Variants in GALNT15 observed in about 807,000 individuals in gnomAD.
GALNT15 encodes the protein polypeptide N-acetylgalactosaminyltransferase 15.
Under a neutral mutation model 66.8 loss-of-function variants are expected in GALNT15, and 67 were observed. The observed-to-expected ratio is 1.00, with a 90% CI of 0.82 to 1.23. GALNT15 has a LOEUF of 1.23. GALNT15 is among the 50% of genes most tolerant of loss of function. The pLI is 0.00. For missense variants in GALNT15, 827 were observed against 804.3 expected (o/e 1.03, Z -0.34); for synonymous variants, 313 against 311.5 (o/e 1.00, Z -0.05).
rs17272362 is a variant in GALNT15, at chr3:16,195,501, G to C, written c.540-259G>C. Among the ~76,000 whole-genome samples, 2 of 152,128 alleles carry C rather than the reference G, an allele frequency of 1.3e-5. No homozygotes were observed. Among genetic ancestry groups the C allele is most frequent in the Non-Finnish European group, 2.9e-5 (2 of 68,032 alleles). ...AGGACAGTCATTTGCTGAGGATGAC[G>C]GCAACGCTTCTCAATTGCAATGAGA... On this transcript the variant is annotated intron_variant, in intron 1 of 9. Transcript: ENST00000339732. This position sits in a 1 kb window ranked among gnomAD's most constrained non-coding sequence, Gnocchi z 4.6.
At chr3:16,178,565 T>G (rs2063436746) in intron 1 of GALNT15, among the ~76,000 whole-genome samples, 1 of 152,170 alleles carries the variant, frequency 6.6e-6, no homozygotes, top group Non-Finnish European at 1.5e-5. Context: ...AGGCCTTGGC[T>G]GCAGACTCCC....
intron 1 of GALNT15, among the ~76,000 whole-genome samples, chr3:16,179,185 G>A (rs558162120): frequency 6.6e-6 from 1 of 152,396 alleles, no homozygotes. Context: ...CTATGTGCTA[G>A]AGGCTCTGCT....
At chr3:16,194,338 TA>T (rs1299803210) in intron 1 of GALNT15, among the ~76,000 whole-genome samples, 2 of 152,274 alleles carry the variant, frequency 1.3e-5, no homozygotes, top group African/African-American at 4.8e-5. Context: ...TCTTCTCTTT[TA>T]GAAGTGTCTG....
intron 8 of GALNT15, among the ~76,000 whole-genome samples, chr3:16,222,261 G>C (rs1378139214): frequency 6.6e-6 from 1 of 152,178 alleles, no homozygotes; most frequent in Non-Finnish European, 1.5e-5. Context: ...TCTCCAGAAA[G>C]ACATCAACCT....
Position 16,183,338 on chromosome 3 carries a change from G to C in GALNT15, c.539+7648G>C, listed in dbSNP as rs1234573604. 6.6e-6 allele frequency: 1 copy of C among 152,226 alleles called. No individual in the cohort carries two copies. Among genetic ancestry groups the C allele is most frequent in the Non-Finnish European group, 1.5e-5 (1 of 68,052 alleles). The allele number at this position is 152,226 out of a possible 1,614,324, so 9.4% of individuals were successfully genotyped here. On this transcript the variant is annotated intron_variant, in intron 1 of 9. Coordinates refer to ENST00000339732, the MANE Select transcript of GALNT15 (RefSeq NM_054110.5). This position sits in a 1 kb window ranked among gnomAD's most constrained non-coding sequence, Gnocchi z 5.2. Reference sequence around the variant, plus strand: ...TCTTCTAAGGCCTCAGCTCCAGGCTGTGTCCCAGCCCTAGCAGCCTCAGGC... The same window carrying C: ...TCTTCTAAGGCCTCAGCTCCAGGCTCTGTCCCAGCCCTAGCAGCCTCAGGC...
At position 16,195,387 on chromosome 3, in the gene GALNT15, T is replaced by TA. The variant is rs1038096096; in HGVS notation, c.540-368dup. 2.0e-5 allele frequency among the ~76,000 whole-genome samples: 3 copies of TA among 152,214 alleles called. No homozygotes were observed. Among genetic ancestry groups the TA allele is most frequent in the Non-Finnish European group, 4.4e-5 (3 of 68,038 alleles). ...GGGGTGGGCCCTGCAGTCAGTATTT[T>TA]AAAAATCCCACCAGGTGATTCTGAT... On this transcript the variant is annotated intron_variant, in intron 1 of 9. Coordinates refer to ENST00000339732, the MANE Select transcript of GALNT15 (RefSeq NM_054110.5). The surrounding 1 kb of genome is among the most constrained non-coding windows in gnomAD (Gnocchi z 4.6).
At chr3:16,214,099 T>C (rs1240691992) in intron 6 of GALNT15, among the ~76,000 whole-genome samples, 1 of 152,244 alleles carries the variant, frequency 6.6e-6, no homozygotes, top group Admixed American at 6.5e-5. Flanking sequence ...AGAGTGGCAC[T>C]GGCTCCTTTC....
the GALNT15 span, among the ~76,000 whole-genome samples, chr3:16,237,773 T>G: frequency 6.6e-6 from 1 of 152,180 alleles, no homozygotes; most frequent in Non-Finnish European, 1.5e-5. The surrounding 1 kb of genome is among the most constrained non-coding windows in gnomAD (Gnocchi z 4.2). Context: ...GGCACCTGGG[T>G]CTAGGTAGTG....
At position 16,203,582 on chromosome 3, in the gene GALNT15, C is replaced by T. The variant is rs2063726940; in HGVS notation, c.911+2759C>T. 2.2e-5 allele frequency among the ~76,000 whole-genome samples: 3 copies of T among 135,104 alleles called. No homozygotes were observed. The highest frequency in any genetic ancestry group is 4.9e-5 in the Non-Finnish European group (3 of 60,774). 88.6% of individuals were successfully genotyped at this position (135,104 alleles called of 152,430 possible). On this transcript the variant is annotated intron_variant, in intron 3 of 9. Transcript: ENST00000339732. This position sits in a 1 kb window ranked among gnomAD's most constrained non-coding sequence, Gnocchi z 6.2. Reference sequence around the variant, plus strand: ...ACACACACACACACACACACACACACACACACAGTGGGCCTCTGATCCTGG... The same window carrying T: ...ACACACACACACACACACACACACATACACACAGTGGGCCTCTGATCCTGG...
chr3:16,182,599 A>C lies in GALNT15; in HGVS notation c.539+6909A>C, dbSNP rs2063481547. On this transcript the variant is annotated intron_variant, in intron 1 of 9. Coordinates refer to ENST00000339732, the MANE Select transcript of GALNT15 (RefSeq NM_054110.5). The surrounding 1 kb of genome is among the most constrained non-coding windows in gnomAD (Gnocchi z 6.1). ...CCTTTGGGGACTTGGCCTTCCTGAC[A>C]TCCTGCAGCAGTAGGGGCCCTAGAA... 1 of 152,264 alleles carries C rather than the reference A, an allele frequency of 6.6e-6. No homozygotes were observed. The highest frequency in any genetic ancestry group is 2.1e-4 in the South Asian group (1 of 4,832). The allele number at this position is 152,264 out of a possible 1,614,324, so 9.4% of individuals were successfully genotyped here. A position where few individuals can be genotyped will look rare whatever the true frequency, so the allele number is the denominator to read the frequency against.
downstream of GALNT15, among the ~76,000 whole-genome samples, chr3:16,233,113 T>TTTTTTTTTTTTTTTTTTTTTTTTTTGGG (rs71064272): frequency 7.2e-6 from 1 of 139,260 alleles, no homozygotes; most frequent in African/African-American, 2.7e-5. Context: ...TTTTTTTTTT[T>TTTTTTTTTTTTTTTTTTTTTTTTTTGGG]GAAACGGAGT....
At chr3:16,242,824 T>C in the GALNT15 span, among the ~76,000 whole-genome samples, 70 of 151,794 alleles carry the variant, frequency 4.6e-4, no homozygotes, top group African/African-American at 1.6e-3. This position sits in a 1 kb window ranked among gnomAD's most constrained non-coding sequence, Gnocchi z 5.6. Context: ...AAGGAGGTGG[T>C]GGTAGGGATT....
At position 16,208,353 on chromosome 3, in the gene GALNT15, T is replaced by G. The variant is rs900727732; in HGVS notation, c.912-150T>G. The stretch of plus-strand genomic sequence containing the variant: ...TAAGTATTCTTAATCCAGGGTGTAT[T>G]TTACACTTACTCCACACCTGATTTG... On this transcript the variant is annotated intron_variant, in intron 3 of 9. Transcript: ENST00000339732. 7 of 609,942 alleles carry G rather than the reference T, an allele frequency of 1.1e-5. No individual in the cohort carries two copies. In the East Asian group the frequency reaches 1.6e-4, roughly 14 times the overall value. The allele number at this position is 609,942 out of a possible 1,614,324, so 37.8% of individuals were successfully genotyped here. A position where few individuals can be genotyped will look rare whatever the true frequency, so the allele number is the denominator to read the frequency against.
At position 16,222,695 on chromosome 3, in the gene GALNT15, G is replaced by A; in HGVS notation, c.1710G>A (p.Val570=). The change falls in exon 9 of 10, where the codon GTG becomes GTA. Residue 570 remains valine, a synonymous_variant. Coordinates refer to ENST00000339732, the MANE Select transcript of GALNT15 (RefSeq NM_054110.5). ...HLCFAVRQEQ[V]ILQNCTEEGL... ...GCTTTGCTGTCAGGCAGGAGCAGGTGATTCTTCAGAACTGCACGGAGGAAG... is the reference window on the plus strand; with the variant it reads ...GCTTTGCTGTCAGGCAGGAGCAGGTAATTCTTCAGAACTGCACGGAGGAAG... 6.2e-7 allele frequency: 1 copy of A among 1,614,258 alleles called. No homozygotes were observed.
rs145700422 is a variant in GALNT15 at position 16,184,934 on chromosome 3, G to T, written c.539+9244G>T. On this transcript the variant is annotated intron_variant, in intron 1 of 9. Transcript: ENST00000339732. This position sits in a 1 kb window ranked among gnomAD's most constrained non-coding sequence, Gnocchi z 5.0. ...GCACAGCTCACTGGGGTGGGGTAGG[G>T]GTTAATTTTCCAGCTCTTCAGGGAT... is the stretch of plus-strand genomic sequence containing the variant. Among the ~76,000 whole-genome samples, 380 of 152,284 alleles carry T rather than the reference G, an allele frequency of 2.5e-3. No individual in the cohort carries two copies. The highest frequency in any genetic ancestry group is 8.7e-3 in the African/African-American group (361 of 41,562).
At position 16,219,765 on chromosome 3, in the gene GALNT15, T is replaced by G; in HGVS notation, c.1525-145T>G. 3 of 883,590 alleles carry G rather than the reference T, an allele frequency of 3.4e-6. No homozygotes were observed. Among genetic ancestry groups the G allele is most frequent in the Non-Finnish European group, 5.5e-6 (3 of 541,140 alleles). 54.7% of individuals were successfully genotyped at this position (883,590 alleles called of 1,614,324 possible). A position where few individuals can be genotyped will look rare whatever the true frequency, so the allele number is the denominator to read the frequency against. On this transcript the variant is annotated intron_variant, in intron 7 of 9. Transcript: ENST00000339732. This position sits in a 1 kb window ranked among gnomAD's most constrained non-coding sequence, Gnocchi z 4.3. ...AGGCCTGTCCCTTAGGGTCAGTGGC[T>G]TCAGCTTTACCACACCTGTTGTTGT...
At position 16,174,853 on chromosome 3, in the gene GALNT15, G is replaced by A. The variant is rs1050265019; in HGVS notation, c.-299G>A. ...TTATTTTTTTCCCAAGGAGAAAACC[G>A]GGGTAAAGGGAGGGAAGCAATTCAA... On this transcript the variant is annotated 5_prime_UTR_variant, in exon 1 of 10. Coordinates refer to ENST00000339732, the MANE Select transcript of GALNT15 (RefSeq NM_054110.5). The surrounding 1 kb of genome is among the most constrained non-coding windows in gnomAD (Gnocchi z 4.7). The A allele has an allele frequency of 6.9e-5, 27 of 391,790 alleles. No homozygotes were observed. Among genetic ancestry groups the A allele is most frequent in the African/African-American group, 2.2e-4 (11 of 50,250 alleles). 24.3% of individuals were successfully genotyped at this position (391,790 alleles called of 1,614,324 possible). A position where few individuals can be genotyped will look rare whatever the true frequency, so the allele number is the denominator to read the frequency against.
intron 1 of GALNT15, among the ~76,000 whole-genome samples, chr3:16,179,197 A>C (rs2063444793): frequency 6.6e-6 from 1 of 152,242 alleles, no homozygotes; most frequent in South Asian, 2.1e-4. Flanking sequence ...GGCTCTGCTA[A>C]GTGGTTTTTG....
chr3:16,235,213 G>A (rs1410540466), downstream of GALNT15, among the ~76,000 whole-genome samples: 4 of 152,002 alleles, frequency 2.6e-5, no homozygotes, highest in Non-Finnish European at 4.4e-5. Flanking sequence ...GTGAGCCACC[G>A]TGCCTGGCCG....
Sources: allele counts gnomAD v4.1 joint callset (sites outside exome capture counted in the v4.1 genomes callset), GRCh38; gene constraint gnomAD v4.1.1; non-coding constraint Gnocchi (gnomAD v3.1); transcripts MANE v1.5; gene names NCBI Gene and HGNC (gene_info 2026-07-23, HGNC 2026-07-21).